TRDN: variants seen among roughly 807,000 people sequenced by gnomAD.
The protein encoded by TRDN is triadin.
A neutral mutation model predicts 149.7 loss-of-function variants in TRDN; 161 were observed. The ratio of observed to expected loss-of-function variants is 1.08; its 90% CI spans 0.95 to 1.23. The LOEUF is 1.23. Among genes scored for constraint, TRDN ranks in the 50% most tolerant of loss-of-function variants. The pLI, the probability that TRDN is intolerant of heterozygous loss-of-function variation, is 0.00. For synonymous variants in TRDN, 294 were observed against 250.5 expected (o/e 1.17, Z -1.64); for missense variants, 896 against 823.5 (o/e 1.09, Z -1.08).
At chr6:123,306,383 T>C (rs1291699724) in intron 24 of TRDN, among the ~76,000 whole-genome samples, 1 of 152,106 alleles carries the variant, frequency 6.6e-6, no homozygotes, top group African/African-American at 2.4e-5. Flanking sequence ...TGATTAGTGA[T>C]GCTTTCAGAT....
At chr6:123,363,506 A>G (rs376946022) in intron 20 of TRDN, among the ~76,000 whole-genome samples, 11 of 152,222 alleles carry the variant, frequency 7.2e-5, no homozygotes, top group African/African-American at 1.2e-4. Flanking sequence ...TAAACTCAAT[A>G]TGTAGAATTA....
chr6:123,456,707 G>C (rs534782513), intron 10 of TRDN: 11 of 432,014 alleles, frequency 2.5e-5, no homozygotes, highest in African/African-American at 1.6e-4. Flanking sequence ...GAGCTGAAGC[G>C]ATCCACCCAC....
intron 1 of TRDN, among the ~76,000 whole-genome samples, chr6:123,588,205 G>A (rs1783602505): frequency 6.6e-6 from 1 of 152,140 alleles, no homozygotes; most frequent in African/African-American, 2.4e-5. Flanking sequence ...GCCTAATAAG[G>A]CCATTTCAAA....
intron 9 of TRDN, chr6:123,469,925 T>C (rs1777056730): frequency 6.6e-6 from 1 of 152,208 alleles, no homozygotes; most frequent in Admixed American, 6.5e-5. Flanking sequence ...CAGTACTTTT[T>C]CAGACTCTCA....
At chr6:123,509,903 A>C (rs554704785) in intron 7 of TRDN, 2 of 152,192 alleles carry the variant, frequency 1.3e-5, no homozygotes, top group East Asian at 3.9e-4. Flanking sequence ...TTTTAGTCTT[A>C]ACCAAATCAT....
chr6:123,523,855 G>A (rs746231581), intron 5 of TRDN, among the ~76,000 whole-genome samples: 7 of 152,138 alleles, frequency 4.6e-5, no homozygotes, highest in Non-Finnish European at 8.8e-5. Flanking sequence ...GGTGGAGACT[G>A]TCGTAAACAG....
intron 10 of TRDN, chr6:123,462,462 T>C (rs1776505421): frequency 6.6e-6 from 1 of 152,226 alleles, no homozygotes; most frequent in South Asian, 2.1e-4. Flanking sequence ...TTTGTAGTAT[T>C]CTTTTACCCA....
At chr6:123,239,575 G>A (rs530816790) in intron 38 of TRDN, among the ~76,000 whole-genome samples, 59 of 151,950 alleles carry the variant, frequency 3.9e-4, no homozygotes, top group African/African-American at 1.3e-3. Context: ...ATTGGAGTTC[G>A]GTTAAATAAG....
intron 1 of TRDN, among the ~76,000 whole-genome samples, chr6:123,579,805 G>A (rs1187002074): frequency 6.6e-6 from 1 of 152,166 alleles, no homozygotes; most frequent in Non-Finnish European, 1.5e-5. Context: ...TTTCCCCCAG[G>A]CTGTTCTTGT....
intron 7 of TRDN, chr6:123,509,655 C>G (rs947399130): frequency 1.3e-5 from 2 of 152,066 alleles, no homozygotes; most frequent in African/African-American, 4.8e-5. Flanking sequence ...TGTTTGCCAC[C>G]TTGTAAGATT....
intron 10 of TRDN, among the ~76,000 whole-genome samples, chr6:123,441,345 C>A (rs1774874169): frequency 6.6e-6 from 1 of 152,158 alleles, no homozygotes; most frequent in Non-Finnish European, 1.5e-5. Context: ...CCTCTTCCAT[C>A]TCTTTCTCAT....
At chr6:123,452,000 A>G (rs1415560442) in intron 10 of TRDN, among the ~76,000 whole-genome samples, 2 of 152,310 alleles carry the variant, frequency 1.3e-5, no homozygotes, top group East Asian at 1.9e-4. Flanking sequence ...CGAAAATCAT[A>G]TGATCATCTC....
At chr6:123,267,786 TG>T in intron 31 of TRDN, 35 bp from the exon 32 acceptor site, 2 of 1,512,058 alleles carry the variant, frequency 1.3e-6, no homozygotes, top group Non-Finnish European at 1.8e-6. Flanking sequence ...TGGCAATCTG[TG>T]GATTCTTTGG....
At chr6:123,350,835 A>G (rs1414959369) in intron 21 of TRDN, 1 of 983,780 alleles carries the variant, frequency 1.0e-6, no homozygotes, top group African/African-American at 1.7e-5. Flanking sequence ...CCAAGAGCCT[A>G]AGCTTTAATA....
At chr6:123,409,149 C>T (rs1480807142) in intron 12 of TRDN, among the ~76,000 whole-genome samples, 1 of 152,164 alleles carries the variant, frequency 6.6e-6, no homozygotes, top group African/African-American at 2.4e-5. Flanking sequence ...CCTTGCTTCT[C>T]TTTCACACTA....
At chr6:123,279,010 A>G in intron 25 of TRDN, 46 bp downstream of exon 25, 4 of 1,549,826 alleles carry the variant, frequency 2.6e-6, no homozygotes, top group Non-Finnish European at 3.5e-6. Context: ...TTATGTATGT[A>G]TGTACATATG....
intron 1 of TRDN, among the ~76,000 whole-genome samples, chr6:123,572,697 AAAAGC>A (rs1264410071): frequency 6.6e-6 from 1 of 152,100 alleles, no homozygotes; most frequent in Non-Finnish European, 1.5e-5. Context: ...TATTTTTGCC[AAAAGC>A]AAAGTTAAAA....
chr6:123,606,037 A>G (rs1784513937), intron 1 of TRDN, among the ~76,000 whole-genome samples: 1 of 152,154 alleles, frequency 6.6e-6, no homozygotes, highest in Non-Finnish European at 1.5e-5. Flanking sequence ...AATGTTACCA[A>G]ACTGAAGTTT....
chr6:123,364,498 G>A (rs1174154029), intron 20 of TRDN, among the ~76,000 whole-genome samples: 2 of 152,094 alleles, frequency 1.3e-5, no homozygotes, highest in African/African-American at 4.8e-5. Context: ...TTAGCTGGGC[G>A]TGATGGTGCG....
Sources: gnomAD v4.1 joint callset for allele counts (sites outside exome capture counted in the v4.1 genomes callset) on GRCh38, gnomAD v4.1.1 for gene constraint, MANE v1.5 for transcripts, NCBI Gene and HGNC (gene_info 2026-07-23, HGNC 2026-07-21) for gene names.